The following TNNT1 variants were observed in gnomAD, a reference collection of about 807,000 sequenced individuals.
TNNT1 encodes troponin T1, slow skeletal type, also known as troponin T, slow skeletal muscle.
In TNNT1, 53 loss-of-function variants were observed where a neutral mutation model predicts 50.6. The observed-to-expected ratio is 1.05, with a 90% confidence interval of 0.84 to 1.32. TNNT1 has a LOEUF of 1.32. Among genes scored for constraint, TNNT1 ranks in the 40% most tolerant of loss-of-function variants. The probability of loss-of-function intolerance (pLI) is 0.00; values close to 1 mark genes in which losing one functional copy is unlikely to be tolerated. For missense variants in TNNT1, 348 were observed against 381.7 expected, an observed-to-expected ratio of 0.91 and a Z score of 0.74; for synonymous variants, 142 against 138.0, an observed-to-expected ratio of 1.03 and a Z score of -0.20.
At position 55,146,703 on chromosome 19, in the gene TNNT1, C is replaced by T; in HGVS notation, c.51G>A (p.Glu17=). 3.3e-6 allele frequency: 5 copies of T among 1,505,674 alleles called. No homozygotes were observed. Among genetic ancestry groups the T allele is most frequent in the Non-Finnish European group, 4.4e-6 (5 of 1,125,274 alleles). 93.3% of individuals were successfully genotyped at this position (1,505,674 alleles called of 1,614,324 possible). A position where few individuals can be genotyped will look rare whatever the true frequency, so the allele number is the denominator to read the frequency against. ...CACCTTCCTCCTCCTCCTCCGCAGC[C>T]TCCTCTGGAGATGGGGGCACAGAAG... The part of the protein sequence containing the change: ...QEYEEEQPEE[E]AAEEEEEAPE... Residue 17 remains glutamate (E), a synonymous_variant, in exon 4 of 14, where the codon GAG becomes GAA. Transcript: ENST00000588981.
At chr19:55,138,145 A>G in intron 9 of TNNT1, 71 bp from the exon 10 acceptor site, 1 of 1,611,358 alleles carries the variant, frequency 6.2e-7, no homozygotes, top group Non-Finnish European at 8.5e-7. Flanking sequence ...TGGGATGTGG[A>G]ACTGGGGCAC....
Position 55,147,014 on chromosome 19 carries a change from G to C in TNNT1, c.40C>G (p.Pro14Ala). 1.2e-6 allele frequency: 2 copies of C among 1,610,858 alleles called. No homozygotes were observed. The highest frequency in any genetic ancestry group is 1.7e-6 in the Non-Finnish European group (2 of 1,178,870). Residue 14 changes from proline to alanine, a missense_variant, in exon 3 of 14, where the codon CCG (proline) becomes GCG (alanine). Physicochemically the swap from Pro to Ala is conservative, Grantham distance 27. Coordinates refer to ENST00000588981, the MANE Select transcript of TNNT1 (RefSeq NM_003283.6). ...CGGCCCACTCCCTACTCACCTTCCG[G>C]CTGCTCCCTGCGGACGGGTGTGGGG... is the stretch of plus-strand genomic sequence containing the variant. ...TEEQEYEEEQ[P>A]EEEAAEEEEE...
chr19:55,146,625 CAG>C, intron 4 of TNNT1, 54 bp downstream of exon 4: 1 of 1,273,438 alleles, frequency 7.9e-7, no homozygotes, highest in Non-Finnish European at 1.1e-6. Context: ...CTCCCGGGCC[CAG>C]CGTCCCCGCC....
Position 55,141,180 on chromosome 19 carries a change from G to A in TNNT1, c.309+6C>T, listed in dbSNP as rs932070035. ...AGACCGGGGGGAACCCGGACTCTCG[G>A]CTCACAATGCGCTCCTTCAAGGCAA... On this transcript the variant is annotated splice_donor_region_variant and intron_variant, in intron 8 of 13. Coordinates refer to ENST00000588981, the MANE Select transcript of TNNT1 (RefSeq NM_003283.6). 19 of 1,612,062 alleles carry A rather than the reference G, an allele frequency of 1.2e-5. No individual in the cohort carries two copies. Among genetic ancestry groups the A allele is most frequent in the Non-Finnish European group, 1.6e-5 (19 of 1,178,186 alleles).
intron 4 of TNNT1, 50 bp downstream of exon 4, chr19:55,146,630 TC>T: frequency 9.8e-7 from 1 of 1,025,182 alleles, no homozygotes; most frequent in Non-Finnish European, 1.4e-6. Context: ...GGGCCCAGCG[TC>T]CCCGCCCCCC....
chr19:55,145,472 C>A, intron 6 of TNNT1, 72 bp downstream of exon 6: 2 of 1,497,824 alleles, frequency 1.3e-6, no homozygotes, highest in South Asian at 1.1e-5. Context: ...CTTTCTCACA[C>A]CTTGTCTCTG....
Position 55,137,085 on chromosome 19 carries a change from G to GCCCCCCCCC in TNNT1, c.611+17_611+18insGGGGGGGGG. The GCCCCCCCCC allele has an allele frequency of 7.5e-7, 1 of 1,338,570 alleles. No homozygotes were observed. Among genetic ancestry groups the GCCCCCCCCC allele is most frequent in the Admixed American group, 1.7e-5 (1 of 58,050 alleles). 82.9% of individuals were successfully genotyped at this position (1,338,570 alleles called of 1,614,324 possible). On this transcript the variant is annotated intron_variant, in intron 11 of 13. Transcript: ENST00000588981. ...TCACACCCAGGCCCCTACACCCCGA[G>GCCCCCCCCC]CCCCCCACAGCACCTACCGGAGCTG...
rs201135309 is a variant in TNNT1 at position 55,145,527 on chromosome 19, A to C, written c.128+17T>G. 1.6e-3 allele frequency: 2,600 copies of C among 1,613,430 alleles called. 2 individuals are homozygous for C. The highest frequency in any genetic ancestry group is 2.0e-3 in the Non-Finnish European group (2,358 of 1,179,570). ...GGAAGATGTATGACTGGGGCCCCCC[A>C]CCCTGTAGGATCTCACCTTGGTTTG... On this transcript the variant is annotated intron_variant, in intron 6 of 13. Coordinates refer to ENST00000588981, the MANE Select transcript of TNNT1 (RefSeq NM_003283.6).
At chr19:55,141,993 C>G (rs752806847) in intron 6 of TNNT1, 73 bp from the exon 7 acceptor site, 7 of 1,513,414 alleles carry the variant, frequency 4.6e-6, no homozygotes, top group South Asian at 1.1e-5. Context: ...CGGGATGTGC[C>G]GTCCAGTGAG....
At chr19:55,144,898 T>C (rs1168355487) in intron 6 of TNNT1, among the ~76,000 whole-genome samples, 1 of 151,622 alleles carries the variant, frequency 6.6e-6, no homozygotes, top group Non-Finnish European at 1.5e-5. Context: ...CTCTCTCGAG[T>C]CATGGAGGAG....
At chr19:55,138,176 C>T (rs2085388054) in intron 9 of TNNT1, 102 bp from the exon 10 acceptor site, 2 of 1,592,984 alleles carry the variant, frequency 1.3e-6, no homozygotes, top group Admixed American at 1.8e-5. Context: ...AGACCCAGTG[C>T]CGCAGAGGCT....
At position 55,132,712 on chromosome 19, in the gene TNNT1, G is replaced by A. The variant is rs376025238; in HGVS notation, c.*203C>T. 15 of 620,018 alleles carry A rather than the reference G, an allele frequency of 2.4e-5. No homozygotes were observed. Among genetic ancestry groups the A allele is most frequent in the African/African-American group, 2.2e-4 (12 of 54,582 alleles). 38.4% of individuals were successfully genotyped at this position (620,018 alleles called of 1,614,324 possible). On this transcript the variant is annotated 3_prime_UTR_variant, in exon 14 of 14. Coordinates refer to ENST00000588981, the MANE Select transcript of TNNT1 (RefSeq NM_003283.6). ...CCAGCAGTGTGTGAAGGTTCAGCCTGCCGTACTTTAATGATTATTGGTGAC... is the reference window on the plus strand; with the variant it reads ...CCAGCAGTGTGTGAAGGTTCAGCCTACCGTACTTTAATGATTATTGGTGAC...
At chr19:55,147,678 G>GGCCACCT (rs1568851076) in intron 1 of TNNT1, among the ~76,000 whole-genome samples, 1 of 100,328 alleles carries the variant, frequency 1.0e-5, no homozygotes. Flanking sequence ...AGGAGGGGCT[G>GGCCACCT]GGGTCTGGAC....
chr19:55,147,743 G>T (rs553731510), intron 1 of TNNT1, among the ~76,000 whole-genome samples: 2 of 149,654 alleles, frequency 1.3e-5, no homozygotes, highest in South Asian at 4.2e-4. Flanking sequence ...TCTGAGGGAG[G>T]AGGGGCCGCG....
chr19:55,138,131 G>A, intron 9 of TNNT1, 57 bp from the exon 10 acceptor site: 2 of 1,612,914 alleles, frequency 1.2e-6, no homozygotes, highest in Admixed American at 1.7e-5. Flanking sequence ...AGGGAGGAGG[G>A]CCCTGGGATG....
Position 55,138,023 on chromosome 19 carries a change from C to A in TNNT1, c.439G>T (p.Asp147Tyr). ...GACAGCACCTTCTTTTTCTTGGCATCATCCTCTGCCCGCTTCTTGGCCTCT... is the reference window on the plus strand; with the variant it reads ...GACAGCACCTTCTTTTTCTTGGCATAATCCTCTGCCCGCTTCTTGGCCTCT... ...EEEAKKRAED[D>Y]AKKKKVLSNM... Residue 147 changes from aspartate to tyrosine, a missense_variant, in exon 10 of 14, where the codon GAT becomes TAT. Around this residue, in one of 3 missense-constraint regions of TNNT1, gnomAD observed 253 missense variants for 291.8 expected, o/e 0.87. Transcript: ENST00000588981. 4 of 1,614,236 alleles carry A rather than the reference C, an allele frequency of 2.5e-6. No individual in the cohort carries two copies. The highest frequency in any genetic ancestry group is 3.4e-6 in the Non-Finnish European group (4 of 1,180,044).
intron 9 of TNNT1, among the ~76,000 whole-genome samples, chr19:55,138,758 G>A (rs556070350): frequency 1.4e-4 from 22 of 152,342 alleles, no homozygotes; most frequent in African/African-American, 4.8e-4. Context: ...ATATGAGAAT[G>A]TCTGTTTTGA....
chr19:55,145,300 T>C (rs1304696118), intron 6 of TNNT1: 8 of 551,352 alleles, frequency 1.5e-5, no homozygotes, highest in African/African-American at 1.4e-4. Flanking sequence ...ATGACCACGA[T>C]GAAGAAGAAG....
At chr19:55,136,151 G>T (rs1057051987) in intron 11 of TNNT1, among the ~76,000 whole-genome samples, 1 of 152,070 alleles carries the variant, frequency 6.6e-6, no homozygotes, top group Admixed American at 6.5e-5. Context: ...CCCTGGAAGG[G>T]TTACTTAACC....
Sources: allele counts gnomAD v4.1 joint callset (sites outside exome capture counted in the v4.1 genomes callset), GRCh38; gene constraint gnomAD v4.1.1; regional missense constraint gnomAD v4.1.1; transcripts MANE v1.5; gene names NCBI Gene and HGNC (gene_info 2026-07-23, HGNC 2026-07-21).